GSG1L: variants seen among roughly 807,000 people sequenced by gnomAD.
The protein encoded by GSG1L is germ cell-specific gene 1-like protein.
A neutral mutation model predicts 42.1 loss-of-function variants in GSG1L; 24 were observed. The ratio of observed to expected loss-of-function variants is 0.57; its 90% CI spans 0.41 to 0.80. The LOEUF (loss-of-function observed/expected upper bound fraction) is 0.80, where lower values mean the gene tolerates loss of function less well. Ranked by LOEUF, GSG1L falls within the 30% of genes least tolerant of loss-of-function variation. The probability of loss-of-function intolerance (pLI) is 0.00; values close to 1 mark genes in which losing one functional copy is unlikely to be tolerated. For synonymous variants in GSG1L, 215 were observed against 203.5 expected, an observed-to-expected ratio of 1.06 and a Z score of -0.48; for missense variants, 445 against 472.2, an observed-to-expected ratio of 0.94 and a Z score of 0.53.
intron 2 of GSG1L, among the ~76,000 whole-genome samples, chr16:27,917,005 G>A (rs78394436): frequency 0.013 from 2,052 of 152,296 alleles, 19 homozygotes; most frequent in Non-Finnish European, 0.022. Context: ...AGAGTTGGGT[G>A]AAGATAAATC....
chr16:27,839,529 A>G (rs1234100089), intron 4 of GSG1L, among the ~76,000 whole-genome samples: 1 of 152,236 alleles, frequency 6.6e-6, no homozygotes, highest in Non-Finnish European at 1.5e-5. Context: ...CATTCCAAGC[A>G]GGGGCCACAG....
chr16:27,879,055 A>C (rs6498043), intron 3 of GSG1L, among the ~76,000 whole-genome samples: 5,018 of 152,176 alleles, frequency 0.033, 272 homozygotes, highest in African/African-American at 0.11. Flanking sequence ...GGTTTTTGAT[A>C]CACGGATCCA....
intron 4 of GSG1L, among the ~76,000 whole-genome samples, chr16:27,831,478 A>G (rs938093761): frequency 6.6e-6 from 1 of 152,190 alleles, no homozygotes; most frequent in African/African-American, 2.4e-5. Context: ...TTTATAGCCA[A>G]GGATCTTAAG....
At chr16:27,947,098 C>G (rs753024282) in intron 2 of GSG1L, among the ~76,000 whole-genome samples, 1 of 152,134 alleles carries the variant, frequency 6.6e-6, no homozygotes, top group Admixed American at 6.5e-5. Context: ...AAATCCAAGC[C>G]CTGCTACTGA....
intron 3 of GSG1L, among the ~76,000 whole-genome samples, chr16:27,883,136 AAAAGAG>A (rs1253198785): frequency 1.2e-4 from 3 of 25,108 alleles, no homozygotes; most frequent in Admixed American, 8.2e-4. Flanking sequence ...AAAAAAAAAA[AAAAGAG>A]AGAGAGAGAA....
chr16:27,891,529 G>A (rs1441013208), intron 2 of GSG1L, among the ~76,000 whole-genome samples: 1 of 152,082 alleles, frequency 6.6e-6, no homozygotes, highest in Non-Finnish European at 1.5e-5. Context: ...GCATTGTGCA[G>A]TGGCTGGATC....
At chr16:27,796,405 T>C (rs1293800659) in intron 6 of GSG1L, among the ~76,000 whole-genome samples, 1 of 152,216 alleles carries the variant, frequency 6.6e-6, no homozygotes, top group Non-Finnish European at 1.5e-5. Context: ...ATCTCTACCA[T>C]GAGAGGGCTT....
At chr16:28,038,650 A>G (rs1335327355) in intron 1 of GSG1L, among the ~76,000 whole-genome samples, 1 of 152,172 alleles carries the variant, frequency 6.6e-6, no homozygotes, top group Non-Finnish European at 1.5e-5. Flanking sequence ...CGTAACCTCA[A>G]GCATCGCCAT....
chr16:27,802,108 C>T (rs1214495826), intron 6 of GSG1L, among the ~76,000 whole-genome samples: 1 of 152,124 alleles, frequency 6.6e-6, no homozygotes, highest in Non-Finnish European at 1.5e-5. Context: ...GCACCATGCC[C>T]TGCTATCCCG....
At chr16:27,821,804 T>C (rs2083153613) in intron 5 of GSG1L, among the ~76,000 whole-genome samples, 1 of 152,092 alleles carries the variant, frequency 6.6e-6, no homozygotes, top group South Asian at 2.1e-4. Context: ...CTCAGGAGGC[T>C]GAAGCAGGAG....
At chr16:27,944,310 A>G (rs2141086707) in intron 2 of GSG1L, among the ~76,000 whole-genome samples, 1 of 152,322 alleles carries the variant, frequency 6.6e-6, no homozygotes. Flanking sequence ...ATACAATGCA[A>G]TATTATTTTG....
At chr16:27,813,662 A>C (rs2083059132) in intron 5 of GSG1L, among the ~76,000 whole-genome samples, 1 of 152,238 alleles carries the variant, frequency 6.6e-6, no homozygotes, top group Non-Finnish European at 1.5e-5. Context: ...TTCAGCAAGC[A>C]AGACACGGGA....
intron 3 of GSG1L, among the ~76,000 whole-genome samples, chr16:27,874,221 G>C (rs2083857258): frequency 6.6e-6 from 1 of 152,068 alleles, no homozygotes; most frequent in African/African-American, 2.4e-5. Flanking sequence ...TTTGATGCTA[G>C]TGAGATGAGA....
At chr16:27,862,152 G>A (rs924426448) in intron 3 of GSG1L, among the ~76,000 whole-genome samples, 34 of 152,328 alleles carry the variant, frequency 2.2e-4, no homozygotes, top group African/African-American at 7.0e-4. Flanking sequence ...GGATATGGCA[G>A]TGGTAATAGG....
intron 2 of GSG1L, among the ~76,000 whole-genome samples, chr16:27,921,744 T>TG (rs1238214393): frequency 1.3e-5 from 2 of 152,212 alleles, no homozygotes; most frequent in African/African-American, 4.8e-5. Context: ...ATCTTTGTGT[T>TG]GGTTTCTTTT....
intron 6 of GSG1L, among the ~76,000 whole-genome samples, 178 bp downstream of exon 6, chr16:27,807,309 C>T (rs1041594472): frequency 3.3e-5 from 5 of 152,106 alleles, no homozygotes; most frequent in Non-Finnish European, 5.9e-5. Flanking sequence ...GGGAGAGCTG[C>T]GTGCAGGGGC....
intron 2 of GSG1L, among the ~76,000 whole-genome samples, chr16:27,952,905 AGCCCTCCGCAAGT>A (rs2084965629): frequency 6.6e-6 from 1 of 152,214 alleles, no homozygotes; most frequent in East Asian, 1.9e-4. Context: ...CCAGCTGCCA[AGCCCTCCGCAAGT>A]TCCCTTTCAG....
chr16:27,914,475 C>T (rs1370562178), intron 2 of GSG1L, among the ~76,000 whole-genome samples: 1 of 152,090 alleles, frequency 6.6e-6, no homozygotes, highest in Non-Finnish European at 1.5e-5. Flanking sequence ...GATACAGCCT[C>T]CCAGAGCTGT....
intron 4 of GSG1L, among the ~76,000 whole-genome samples, chr16:27,829,280 G>C (rs1306780166): frequency 2.0e-5 from 3 of 152,188 alleles, no homozygotes; most frequent in Non-Finnish European, 4.4e-5. Flanking sequence ...CTGGTAAGGA[G>C]AGTGAGAGTT....
Sources: gnomAD v4.1 joint callset for allele counts (sites outside exome capture counted in the v4.1 genomes callset) on GRCh38, gnomAD v4.1.1 for gene constraint, MANE v1.5 for transcripts, NCBI Gene and HGNC (gene_info 2026-07-23, HGNC 2026-07-21) for gene names.